Variants in CCDC38 observed in about 807,000 individuals in gnomAD.
CCDC38 encodes the protein coiled-coil domain-containing protein 38.
Under a neutral mutation model 72.8 loss-of-function variants are expected in CCDC38, and 69 were observed. The observed-to-expected ratio is 0.95, with a 90% CI of 0.78 to 1.16. The LOEUF (loss-of-function observed/expected upper bound fraction) is 1.16. CCDC38 is among the 50% of genes most tolerant of loss of function. The pLI is 0.00. For synonymous variants in CCDC38, 201 were observed against 213.2 expected (o/e 0.94, Z 0.50); for missense variants, 626 against 638.9 (o/e 0.98, Z 0.22).
rs750021354 is a variant in CCDC38 at position 95,917,267 on chromosome 12, C to T, written c.166G>A (p.Val56Ile). ...GATGAAAAAGTAGTTTTCTGGTAGA[C>T]TTTCATGTTACGGTTCATAAATTTT... Reference protein sequence around the residue: ...TEKFMNRNMKVYQKTTFSSRM... With the variant: ...TEKFMNRNMKIYQKTTFSSRM... The change falls in exon 4 of 16, where the codon GTC becomes ATC. Residue 56 changes from valine to isoleucine, a missense_variant. Val to Ile is a conservative substitution (Grantham distance 29). Coordinates refer to ENST00000344280, the MANE Select transcript of CCDC38 (RefSeq NM_182496.3). 1 of 1,598,952 alleles carries T rather than the reference C, an allele frequency of 6.3e-7. No individual in the cohort carries two copies. Among genetic ancestry groups the T allele is most frequent in the Non-Finnish European group, 8.5e-7 (1 of 1,176,810 alleles).
At chr12:95,888,883 CTT>C (rs1379055749) in intron 9 of CCDC38, among the ~76,000 whole-genome samples, 1 of 151,782 alleles carries the variant, frequency 6.6e-6, no homozygotes, top group Non-Finnish European at 1.5e-5. Flanking sequence ...TACTGTTTGT[CTT>C]TGTGTACGTG....
intron 1 of CCDC38, among the ~76,000 whole-genome samples, chr12:95,938,781 T>G (rs1337513979): frequency 6.6e-6 from 1 of 152,204 alleles, no homozygotes; most frequent in Non-Finnish European, 1.5e-5. Context: ...AGTCAGTGGA[T>G]GTCTTTGTTG....
At chr12:95,887,199 CA>C (rs1336072465) in intron 10 of CCDC38, among the ~76,000 whole-genome samples, 1 of 140,944 alleles carries the variant, frequency 7.1e-6, no homozygotes, top group African/African-American at 2.6e-5. Context: ...AGGAAACAAA[CA>C]AACAACAAAA....
intron 5 of CCDC38, among the ~76,000 whole-genome samples, chr12:95,905,132 A>C (rs1172514252): frequency 6.6e-6 from 1 of 152,208 alleles, no homozygotes; most frequent in Admixed American, 6.5e-5. Flanking sequence ...ATATATAAAT[A>C]GTTGTTATAC....
At chr12:95,943,067 G>A (rs2080471108), upstream of CCDC38, 1 of 258,388 alleles carries the variant, frequency 3.9e-6, no homozygotes, top group African/African-American at 2.3e-5. Flanking sequence ...GATCCACACA[G>A]CTCACTTTGA....
intron 4 of CCDC38, among the ~76,000 whole-genome samples, chr12:95,913,545 G>T (rs2080115930): frequency 6.6e-6 from 1 of 152,186 alleles, no homozygotes; most frequent in Admixed American, 6.5e-5. Context: ...ACATTGGAAA[G>T]TGAAGGATAA....
At chr12:95,906,866 C>T (rs1405496589) in intron 4 of CCDC38, among the ~76,000 whole-genome samples, 4 of 143,970 alleles carry the variant, frequency 2.8e-5, no homozygotes, top group African/African-American at 1.0e-4. Context: ...GGGTGTTTCT[C>T]GCAGAGGGGG....
At position 95,917,246 on chromosome 12, in the gene CCDC38, A is replaced by G; in HGVS notation, c.187T>C (p.Ser63Pro). 6.2e-7 allele frequency: 1 copy of G among 1,604,782 alleles called. No homozygotes were observed. ...NMKVYQKTTF[S>P]SRMKSHSYLS... ...TATGAATGACTCTTCATTCTGGATG[A>G]AAAAGTAGTTTTCTGGTAGACTTTC... The change falls in exon 4 of 16, where the codon TCA becomes CCA. Residue 63 changes from serine (S) to proline (P), a missense_variant. Ser to Pro is a moderately conservative substitution (Grantham distance 74). Transcript: ENST00000344280.
intron 4 of CCDC38, among the ~76,000 whole-genome samples, chr12:95,912,601 G>T (rs757057617): frequency 6.6e-6 from 1 of 152,168 alleles, no homozygotes; most frequent in African/African-American, 2.4e-5. Context: ...CAAATAGCTA[G>T]AAGAATGGAT....
Position 95,895,174 on chromosome 12 carries a change from A to C in CCDC38, c.615-28T>G, listed in dbSNP as rs2079873180. 2.0e-6 allele frequency: 3 copies of C among 1,537,470 alleles called. No individual in the cohort carries two copies. The East Asian group carries it at 7.0e-5, about 36-fold the overall frequency. On this transcript the variant is annotated intron_variant, in intron 7 of 15. Coordinates refer to ENST00000344280, the MANE Select transcript of CCDC38 (RefSeq NM_182496.3). ...ACTCAAAAGAAACAAAGATATGATT[A>C]GGTATATCAGTGTGAAAGCACATTC...
At position 95,897,330 on chromosome 12, in the gene CCDC38, C is replaced by T. The variant is rs368151294; in HGVS notation, c.614+1055G>A. Among the ~76,000 whole-genome samples, 53 of 152,064 alleles carry T rather than the reference C, an allele frequency of 3.5e-4. No homozygotes were observed. In the South Asian group the frequency reaches 9.6e-3, roughly 27 times the overall value. ...TTTAGCTACTTAAAATTAGTTAGGCCGGGCGCGGTGACTCACGCCTGTAAT... is the reference window on the plus strand; with the variant it reads ...TTTAGCTACTTAAAATTAGTTAGGCTGGGCGCGGTGACTCACGCCTGTAAT... On this transcript the variant is annotated intron_variant, in intron 7 of 15. Transcript: ENST00000344280.
chr12:95,879,642 AC>A lies in CCDC38; in HGVS notation c.1142+1del. On this transcript the variant is annotated splice_donor_variant, in intron 12 of 15. Coordinates refer to ENST00000344280, the MANE Select transcript of CCDC38 (RefSeq NM_182496.3). LOFTEE classifies it high-confidence loss of function. The surrounding 1 kb of genome is among the most constrained non-coding windows in gnomAD (Gnocchi z 5.5). ...TAAATCTACTTGTTTATAATGACTT[AC>A]GTTTTATCCTGTATAACTTTTTCTC... 6.4e-7 allele frequency: 1 copy of A among 1,571,974 alleles called. No homozygotes were observed. The highest frequency in any genetic ancestry group is 8.7e-7 in the Non-Finnish European group (1 of 1,149,048).
At chr12:95,880,966 A>C (rs1305110080) in intron 11 of CCDC38, among the ~76,000 whole-genome samples, 1 of 151,982 alleles carries the variant, frequency 6.6e-6, no homozygotes, top group Non-Finnish European at 1.5e-5. Flanking sequence ...AAAATGGTAA[A>C]TTTTTTACAT....
chr12:95,896,376 A>T (rs1479773705), intron 7 of CCDC38: 7 of 152,208 alleles, frequency 4.6e-5, no homozygotes, highest in Admixed American at 3.9e-4. Flanking sequence ...ACAAAGAGGG[A>T]TGTTAAAATA....
At chr12:95,927,433 T>G (rs2080284489) in intron 2 of CCDC38, among the ~76,000 whole-genome samples, 1 of 149,474 alleles carries the variant, frequency 6.7e-6, no homozygotes, top group Non-Finnish European at 1.5e-5. Flanking sequence ...TATGTGTGTC[T>G]CTGCACATGA....
chr12:95,890,878 C>T lies in CCDC38; in HGVS notation c.825G>A (p.Arg275=), dbSNP rs2079818131. 4.4e-6 allele frequency: 7 copies of T among 1,607,494 alleles called. No homozygotes were observed. Among genetic ancestry groups the T allele is most frequent in the Admixed American group, 1.7e-5 (1 of 59,692 alleles). Residue 275 remains arginine, a synonymous_variant, in exon 9 of 16, where the codon AGG becomes AGA. Transcript: ENST00000344280. ...NKEGILEESG[R]TAVLSEDASQ... Reference sequence around the variant, plus strand: ...AAGCATCTTCTGAAAGGACAGCTGTCCTCCCGGACTCCTCAAGGATGCCTT... The same window carrying T: ...AAGCATCTTCTGAAAGGACAGCTGTTCTCCCGGACTCCTCAAGGATGCCTT...
chr12:95,886,459 A>G (rs186654370), intron 10 of CCDC38, among the ~76,000 whole-genome samples: 1 of 152,336 alleles, frequency 6.6e-6, no homozygotes, highest in Non-Finnish European at 1.5e-5. Context: ...GAAAAAATTC[A>G]TAACCCGAAA....
intron 14 of CCDC38, among the ~76,000 whole-genome samples, chr12:95,870,574 T>G (rs927175977): frequency 2.6e-4 from 39 of 152,224 alleles, no homozygotes; most frequent in African/African-American, 9.2e-4. Flanking sequence ...ATTACATTCA[T>G]GTATCACTGC....
intron 1 of CCDC38, among the ~76,000 whole-genome samples, chr12:95,939,993 A>G (rs1442949608): frequency 6.6e-6 from 1 of 152,214 alleles, no homozygotes; most frequent in Non-Finnish European, 1.5e-5. Context: ...TCTATCAAGT[A>G]TGAATAATAA....
Sources: gnomAD v4.1 joint callset for allele counts (sites outside exome capture counted in the v4.1 genomes callset) on GRCh38, gnomAD v4.1.1 for gene constraint, Gnocchi (gnomAD v3.1) non-coding constraint, MANE v1.5 for transcripts, NCBI Gene and HGNC (gene_info 2026-07-23, HGNC 2026-07-21) for gene names.